The following PTPRA variants were observed in gnomAD, a reference collection of about 807,000 sequenced individuals.
The protein encoded by PTPRA is receptor-type tyrosine-protein phosphatase alpha.
In PTPRA, 25 loss-of-function variants were observed where a neutral mutation model predicts 104.8. The observed-to-expected ratio is 0.24, with a 90% CI of 0.17 to 0.33. PTPRA has a LOEUF of 0.33. PTPRA is among the 10% of genes least tolerant of loss of function. PTPRA has a pLI of 1.00. For missense variants in PTPRA, 765 were observed against 1,015.3 expected (o/e 0.75, Z 3.35); for synonymous variants, 323 against 368.9 (o/e 0.88, Z 1.43).
At chr20:2,942,853 C>T (rs2060970288) in intron 2 of PTPRA, among the ~76,000 whole-genome samples, 1 of 151,844 alleles carries the variant, frequency 6.6e-6, no homozygotes, top group African/African-American at 2.4e-5. Flanking sequence ...TTCCAAGACC[C>T]CCAGTGGATG....
Position 3,022,713 on chromosome 20 carries a change from C to G in PTPRA, c.1353C>G (p.Thr451=). ...HCSAGVGRTG[T]FVVIDAMLDM... ...GTGCAGGTGTAGGGCGTACAGGTAC[C>G]TTTGTCGTCATTGATGCCATGCTGG... Residue 451 remains threonine (T), a synonymous_variant, in exon 16 of 24, where the codon ACC becomes ACG. Coordinates refer to ENST00000399903, the MANE Select transcript of PTPRA (RefSeq NM_001385305.1). This position sits in a 1 kb window ranked among gnomAD's most constrained non-coding sequence, Gnocchi z 4.6. 2 of 1,614,186 alleles carry G rather than the reference C, an allele frequency of 1.2e-6. No individual in the cohort carries two copies. The highest frequency in any genetic ancestry group is 1.7e-5 in the Admixed American group (1 of 60,016).
chr20:3,019,113 G>A (rs2064672416), intron 13 of PTPRA, among the ~76,000 whole-genome samples: 2 of 141,170 alleles, frequency 1.4e-5, no homozygotes, highest in Non-Finnish European at 3.1e-5. Flanking sequence ...GGGCAGAGGC[G>A]CCCCTCACCT....
chr20:2,948,295 GT>G, intron 3 of PTPRA, among the ~76,000 whole-genome samples: 1 of 152,266 alleles, frequency 6.6e-6, no homozygotes, highest in South Asian at 2.1e-4. Flanking sequence ...GAGCCTTCCA[GT>G]TTACCTACTA....
chr20:2,973,891 A>G (rs2062303161), intron 5 of PTPRA, among the ~76,000 whole-genome samples: 1 of 152,094 alleles, frequency 6.6e-6, no homozygotes, highest in East Asian at 1.9e-4. Context: ...GTTCTGTCAC[A>G]AAACTTCTCG....
intron 1 of PTPRA, among the ~76,000 whole-genome samples, chr20:2,874,861 T>G (rs1392254903): frequency 2.6e-5 from 4 of 152,196 alleles, no homozygotes; most frequent in Non-Finnish European, 5.9e-5. Context: ...CCTCCAATTC[T>G]CCTTCCCCTC....
intron 1 of PTPRA, among the ~76,000 whole-genome samples, chr20:2,882,951 T>C (rs1001698105): frequency 3.4e-4 from 51 of 150,718 alleles, no homozygotes; most frequent in African/African-American, 1.2e-3. Flanking sequence ...TAATATGAAA[T>C]CCAAAAGGCT....
At chr20:2,915,763 G>A (rs987408697) in intron 1 of PTPRA, among the ~76,000 whole-genome samples, 14 of 152,184 alleles carry the variant, frequency 9.2e-5, no homozygotes, top group African/African-American at 3.1e-4. Context: ...TGAGACAGGC[G>A]GATTGCCTGA....
chr20:2,955,898 C>A (rs1170177863), intron 3 of PTPRA, among the ~76,000 whole-genome samples: 1 of 152,106 alleles, frequency 6.6e-6, no homozygotes. Flanking sequence ...TCCCCCTACC[C>A]CCCACAGATA....
chr20:2,987,907 TA>T (rs1343955332), intron 7 of PTPRA, 124 bp from the exon 8 acceptor site: 1 of 962,166 alleles, frequency 1.0e-6, no homozygotes, highest in African/African-American at 1.6e-5. Flanking sequence ...GACCTGTCTC[TA>T]AAAAAGCCCG....
At chr20:3,001,261 G>T (rs757919669) in intron 9 of PTPRA, among the ~76,000 whole-genome samples, 22 of 152,302 alleles carry the variant, frequency 1.4e-4, no homozygotes, top group African/African-American at 4.1e-4. Context: ...TGCATCTAGC[G>T]CTGTGTTCTC....
chr20:2,966,705 A>G (rs549926351), intron 5 of PTPRA, among the ~76,000 whole-genome samples: 1 of 152,340 alleles, frequency 6.6e-6, no homozygotes, highest in East Asian at 1.9e-4. Flanking sequence ...TATAGGTGAA[A>G]GTATTTTACA....
intron 1 of PTPRA, among the ~76,000 whole-genome samples, chr20:2,901,449 G>A (rs1307600037): frequency 6.6e-6 from 1 of 152,162 alleles, no homozygotes; most frequent in Non-Finnish European, 1.5e-5. Context: ...CATTGCTATT[G>A]ATGGCAGGAA....
At chr20:3,026,874 T>A in intron 18 of PTPRA, 94 bp downstream of exon 18, 1 of 1,159,820 alleles carries the variant, frequency 8.6e-7, no homozygotes, top group Non-Finnish European at 1.3e-6. Flanking sequence ...ATGATTGGCG[T>A]ATAGACAAGA....
the PTPRA span, chr20:2,864,428 G>A: frequency 6.2e-6 from 10 of 1,614,012 alleles, no homozygotes; most frequent in Admixed American, 3.3e-5. The surrounding 1 kb of genome is among the most constrained non-coding windows in gnomAD (Gnocchi z 5.2). Context: ...ATGACCCTTC[G>A]GAATCAGCCC....
At position 3,011,726 on chromosome 20, in the gene PTPRA, G is replaced by C. The variant is rs1292697349; in HGVS notation, c.907-4123G>C. Among the ~76,000 whole-genome samples the C allele has an allele frequency of 2.6e-5, 4 of 152,166 alleles. No homozygotes were observed. The East Asian group carries it at 7.7e-4, about 29-fold the overall frequency. On this transcript the variant is annotated intron_variant, in intron 11 of 23. Coordinates refer to ENST00000399903, the MANE Select transcript of PTPRA (RefSeq NM_001385305.1). ...TTGGAGTTCTTACTTGCAGACTATA[G>C]AGTGTACTTTTCATCCACTCTTTTA...
intron 1 of PTPRA, among the ~76,000 whole-genome samples, chr20:2,883,178 A>G (rs2090161470): frequency 6.6e-6 from 1 of 152,086 alleles, no homozygotes; most frequent in Non-Finnish European, 1.5e-5. Context: ...AATAATGCAA[A>G]TAGTACAAAA....
At chr20:2,992,415 G>C (rs561943333) in intron 9 of PTPRA, among the ~76,000 whole-genome samples, 38 of 152,288 alleles carry the variant, frequency 2.5e-4, no homozygotes, top group Admixed American at 2.1e-3. Context: ...TACTCGGGAG[G>C]TTGAGGCAGG....
rs183425564 is a variant in PTPRA, at chr20:3,010,325, A to G, written c.906+2905A>G. Reference sequence around the variant, plus strand: ...CAAGATGGCTGCAGCAGTCCCAAGCATTCCTCATAAACACAGCATCCAGCC... The same window carrying G: ...CAAGATGGCTGCAGCAGTCCCAAGCGTTCCTCATAAACACAGCATCCAGCC... On this transcript the variant is annotated intron_variant, in intron 11 of 23. Coordinates refer to ENST00000399903, the MANE Select transcript of PTPRA (RefSeq NM_001385305.1). Among the ~76,000 whole-genome samples the G allele has an allele frequency of 1.5e-4, 23 of 152,010 alleles. No homozygotes were observed. The East Asian group carries it at 4.5e-3, about 30-fold the overall frequency.
At chr20:2,948,472 G>A (rs2061222242) in intron 3 of PTPRA, among the ~76,000 whole-genome samples, 1 of 152,084 alleles carries the variant, frequency 6.6e-6, no homozygotes, top group Non-Finnish European at 1.5e-5. Flanking sequence ...GTTGCTTATA[G>A]TTTCATTACA....
Sources: allele counts gnomAD v4.1 joint callset (sites outside exome capture counted in the v4.1 genomes callset), GRCh38; gene constraint gnomAD v4.1.1; non-coding constraint Gnocchi (gnomAD v3.1); transcripts MANE v1.5; gene names NCBI Gene and HGNC (gene_info 2026-07-23, HGNC 2026-07-21).